ZBTB10: variants seen among roughly 807,000 people sequenced by gnomAD.
The protein encoded by ZBTB10 is zinc finger and BTB domain containing 10.
Under a neutral mutation model 76.4 loss-of-function variants are expected in ZBTB10, and 32 were observed. The observed-to-expected ratio is 0.42, with a 90% confidence interval of 0.32 to 0.56. The LOEUF (loss-of-function observed/expected upper bound fraction) is 0.56. Among genes scored for constraint, ZBTB10 ranks in the 20% least tolerant of loss-of-function variants. ZBTB10 has a pLI of 0.14. For missense variants in ZBTB10, 1,057 were observed against 1,098.5 expected (o/e 0.96, Z 0.53); for synonymous variants, 523 against 432.9 (o/e 1.21, Z -2.58).
At chr8:80,511,840 C>T (rs2131509446) in intron 2 of ZBTB10, among the ~76,000 whole-genome samples, 1 of 152,282 alleles carries the variant, frequency 6.6e-6, no homozygotes, top group Non-Finnish European at 1.5e-5. Flanking sequence ...TTCAAGCCAG[C>T]ATTTAACTCT....
intron 2 of ZBTB10, among the ~76,000 whole-genome samples, chr8:80,510,719 T>G (rs1816171227): frequency 6.6e-6 from 1 of 151,774 alleles, no homozygotes; most frequent in Non-Finnish European, 1.5e-5. Context: ...GAAAGGAAAC[T>G]AATGTTTGAA....
At chr8:80,501,261 T>C (rs1417669078) in intron 2 of ZBTB10, among the ~76,000 whole-genome samples, 1 of 152,232 alleles carries the variant, frequency 6.6e-6, no homozygotes, top group Non-Finnish European at 1.5e-5. Context: ...GCAAAGCCTC[T>C]GAGGCCTTTC....
intron 3 of ZBTB10, among the ~76,000 whole-genome samples, chr8:80,516,475 GT>G (rs1563467177): frequency 6.6e-6 from 1 of 152,172 alleles, no homozygotes; most frequent in South Asian, 2.1e-4. Context: ...CTCAAACTTT[GT>G]TTAGAGATGT....
chr8:80,511,969 C>G (rs928489700), intron 2 of ZBTB10, among the ~76,000 whole-genome samples: 9 of 152,000 alleles, frequency 5.9e-5, no homozygotes, highest in Non-Finnish European at 1.3e-4. Context: ...AGGAAAATAC[C>G]TAAATAGTAT....
At position 80,487,232 on chromosome 8, in the gene ZBTB10, G is replaced by C. The variant is rs1585832633; in HGVS notation, c.422G>C (p.Gly141Ala). 1.9e-6 allele frequency: 3 copies of C among 1,547,206 alleles called. No homozygotes were observed. Among genetic ancestry groups the C allele is most frequent in the Non-Finnish European group, 8.7e-7 (1 of 1,148,464 alleles). Residue 141 changes from glycine to alanine, a missense_variant, in exon 1 of 6, where the codon GGC becomes GCC. By Grantham distance (60) the Gly-to-Ala change is moderately conservative (BLOSUM62 0). Around this residue, in one of 5 missense-constraint regions of ZBTB10, gnomAD observed 556 missense variants for 451.7 expected, o/e 1.23. Coordinates refer to ENST00000455036, the MANE Select transcript of ZBTB10 (RefSeq NM_001105539.3). ...GGLGNNGSSR[G>A]RPETSVWPLR... is the part of the protein sequence containing the mutation. ...CTCGGCAACAATGGCAGTAGCCGCG[G>C]CCGCCCCGAGACCTCGGTGTGGCCC...
rs183587953 is a variant in ZBTB10 at position 80,512,005 on chromosome 8, C to T, written c.1862-1905C>T. On this transcript the variant is annotated intron_variant, in intron 2 of 5. Coordinates refer to ENST00000455036, the MANE Select transcript of ZBTB10 (RefSeq NM_001105539.3). Reference sequence around the variant, plus strand: ...CCTATCTAGCTATTATCCTAGATACCTGAACAGTATCCCCGTTCTTAAGGA... The same window carrying T: ...CCTATCTAGCTATTATCCTAGATACTTGAACAGTATCCCCGTTCTTAAGGA... Among the ~76,000 whole-genome samples, 46 of 152,200 alleles carry T rather than the reference C, an allele frequency of 3.0e-4. No individual in the cohort carries two copies. The East Asian group carries it at 8.7e-3, about 29-fold the overall frequency.
Position 80,486,965 on chromosome 8 carries a change from C to T in ZBTB10, c.155C>T (p.Pro52Leu). 1.3e-6 allele frequency: 2 copies of T among 1,512,906 alleles called. No homozygotes were observed. Among genetic ancestry groups the T allele is most frequent in the East Asian group, 2.7e-5 (1 of 37,252 alleles). The allele number at this position is 1,512,906 out of a possible 1,614,324, so 93.7% of individuals were successfully genotyped here. ...PQPRQPPPPA[P>L]PALQPPNGRG... is the part of the protein sequence containing the mutation. ...CCGAGACAGCCCCCGCCGCCAGCGC[C>T]GCCCGCGCTTCAGCCGCCTAATGGG... The change falls in exon 1 of 6, where the codon CCG (proline) becomes CTG (leucine). Residue 52 changes from proline (P) to leucine (L), a missense_variant. Coordinates refer to ENST00000455036, the MANE Select transcript of ZBTB10 (RefSeq NM_001105539.3).
upstream of ZBTB10, chr8:80,485,795 G>A: frequency 6.5e-7 from 1 of 1,535,282 alleles, no homozygotes; most frequent in Non-Finnish European, 8.7e-7. Flanking sequence ...TGACAAGGCT[G>A]GAGCGCAGCT....
intron 1 of ZBTB10, among the ~76,000 whole-genome samples, chr8:80,493,205 GCGCACACACACACACACACACA>G: frequency 1.0e-5 from 1 of 98,444 alleles, no homozygotes; most frequent in African/African-American, 3.5e-5. Flanking sequence ...GCGCGCGCGC[GCGCACACACACACACACACACA>G]CACACACACA....
At position 80,521,522 on chromosome 8, in the gene ZBTB10, A is replaced by G. The variant is rs1816448048; in HGVS notation, c.*1994A>G. On this transcript the variant is annotated 3_prime_UTR_variant, in exon 6 of 6. Coordinates refer to ENST00000455036, the MANE Select transcript of ZBTB10 (RefSeq NM_001105539.3). ...AATTGGTAGATCTGTCTATATATAAATATATATTAAAGAACAAAGATATAT... is the reference window on the plus strand; with the variant it reads ...AATTGGTAGATCTGTCTATATATAAGTATATATTAAAGAACAAAGATATAT... The G allele has an allele frequency of 6.6e-6, 1 of 151,752 alleles. No individual in the cohort carries two copies. 9.4% of individuals were successfully genotyped at this position (151,752 alleles called of 1,614,324 possible). A position where few individuals can be genotyped will look rare whatever the true frequency, so the allele number is the denominator to read the frequency against.
chr8:80,525,516 G>A lies in ZBTB10; in HGVS notation c.*5988G>A, dbSNP rs1385098951. On this transcript the variant is annotated 3_prime_UTR_variant, in exon 6 of 6. Transcript: ENST00000455036. ...AACACAAGACAGTCTTCTTGGCGCA[G>A]GTCCTAACAGTTGGTGAGATAATAC... The A allele has an allele frequency of 6.6e-6, 1 of 152,086 alleles. No individual in the cohort carries two copies. The highest frequency in any genetic ancestry group is 1.9e-4 in the East Asian group (1 of 5,186). The allele number at this position is 152,086 out of a possible 1,614,324, so 9.4% of individuals were successfully genotyped here.
chr8:80,518,015 T>C (rs971722674), intron 3 of ZBTB10, among the ~76,000 whole-genome samples: 4 of 150,518 alleles, frequency 2.7e-5, no homozygotes, highest in African/African-American at 9.8e-5. Context: ...CACACCACCA[T>C]GCCCAGCTAA....
At chr8:80,505,302 C>T (rs1816021277) in intron 2 of ZBTB10, among the ~76,000 whole-genome samples, 2 of 152,054 alleles carry the variant, frequency 1.3e-5, no homozygotes, top group Non-Finnish European at 2.9e-5. Context: ...AGGAATTTCT[C>T]CAGTGGGATT....
chr8:80,493,222 C>T (rs1268827623), intron 1 of ZBTB10, among the ~76,000 whole-genome samples: 2 of 140,844 alleles, frequency 1.4e-5, no homozygotes, highest in African/African-American at 5.1e-5. Context: ...CACACACACA[C>T]ACACACACAC....
chr8:80,511,388 A>C (rs949879440), intron 2 of ZBTB10, among the ~76,000 whole-genome samples: 1 of 152,256 alleles, frequency 6.6e-6, no homozygotes, highest in Non-Finnish European at 1.5e-5. Flanking sequence ...CCCACTTGGC[A>C]GAATTGTAAG....
rs1254990075 is a variant in ZBTB10 at position 80,486,407 on chromosome 8, G to T, written c.-404G>T. On this transcript the variant is annotated 5_prime_UTR_variant, in exon 1 of 6. Transcript: ENST00000455036. ...AGGAAGGATATCTGTGTGGAGGATCGGTGTGTGCGCGCGCGGCTTTAAAGA... is the reference window on the plus strand; with the variant it reads ...AGGAAGGATATCTGTGTGGAGGATCTGTGTGTGCGCGCGCGGCTTTAAAGA... 3 of 985,482 alleles carry T rather than the reference G, an allele frequency of 3.0e-6. No individual in the cohort carries two copies. The highest frequency in any genetic ancestry group is 3.6e-6 in the Non-Finnish European group (3 of 830,592). 61.0% of individuals were successfully genotyped at this position (985,482 alleles called of 1,614,324 possible).
At chr8:80,503,122 T>G (rs1474038502) in intron 2 of ZBTB10, among the ~76,000 whole-genome samples, 1 of 152,212 alleles carries the variant, frequency 6.6e-6, no homozygotes, top group Admixed American at 6.5e-5. Context: ...AAAAATAAGC[T>G]GTGCCACCTA....
chr8:80,517,276 T>C (rs1036269493), intron 3 of ZBTB10, among the ~76,000 whole-genome samples: 4 of 152,154 alleles, frequency 2.6e-5, no homozygotes, highest in Non-Finnish European at 5.9e-5. Context: ...TGGTGGCTAC[T>C]GAAGACAGTC....
Position 80,486,593 on chromosome 8 carries a change from G to A in ZBTB10, c.-218G>A, listed in dbSNP as rs1173596395. 2 of 986,942 alleles carry A rather than the reference G, an allele frequency of 2.0e-6. No homozygotes were observed. Among genetic ancestry groups the A allele is most frequent in the Admixed American group, 6.1e-5 (1 of 16,310 alleles). 61.1% of individuals were successfully genotyped at this position (986,942 alleles called of 1,614,324 possible). On this transcript the variant is annotated 5_prime_UTR_variant, in exon 1 of 6. Transcript: ENST00000455036. ...GTGGAGGACGAGAGAGCGGTCGGAGGCGTCGGCCCGGCAGCGGCAGCGGCA... is the reference window on the plus strand; with the variant it reads ...GTGGAGGACGAGAGAGCGGTCGGAGACGTCGGCCCGGCAGCGGCAGCGGCA...
Sources: allele counts gnomAD v4.1 joint callset (sites outside exome capture counted in the v4.1 genomes callset), GRCh38; gene constraint gnomAD v4.1.1; regional missense constraint gnomAD v4.1.1; transcripts MANE v1.5; gene names NCBI Gene and HGNC (gene_info 2026-07-23, HGNC 2026-07-21).